CRLS1: variants seen among roughly 807,000 people sequenced by gnomAD.
CRLS1 encodes the protein cardiolipin synthase 1, also known as cardiolipin synthase (CMP-forming).
A neutral mutation model predicts 37.0 loss-of-function variants in CRLS1; 24 were observed. That is an observed-to-expected ratio of 0.65 (90% confidence interval 0.47 to 0.91). The LOEUF (loss-of-function observed/expected upper bound fraction) is 0.91, where lower values mean the gene tolerates loss of function less well. Among genes scored for constraint, CRLS1 ranks in the 40% least tolerant of loss-of-function variants. The pLI, the probability that CRLS1 is intolerant of heterozygous loss-of-function variation, is 0.00. For synonymous variants in CRLS1, 135 were observed against 159.7 expected (o/e 0.85, Z 1.17); for missense variants, 373 against 395.8 (o/e 0.94, Z 0.49).
chr20:6,023,932 GCTCATTTTGC>G (rs1979471571), intron 3 of CRLS1, among the ~76,000 whole-genome samples: 1 of 145,772 alleles, frequency 6.9e-6, no homozygotes, highest in Admixed American at 6.9e-5. Flanking sequence ...TAACATATGT[GCTCATTTTGC>G]CTCTCTGTCA....
intron 3 of CRLS1, among the ~76,000 whole-genome samples, chr20:6,018,139 C>T (rs1978906364): frequency 7.1e-6 from 1 of 140,168 alleles, no homozygotes; most frequent in South Asian, 2.2e-4. Flanking sequence ...TATCTTGAAC[C>T]TGGGAGGCAG....
At chr20:6,013,888 G>A (rs977120988) in intron 2 of CRLS1, among the ~76,000 whole-genome samples, 1 of 152,084 alleles carries the variant, frequency 6.6e-6, no homozygotes, top group African/African-American at 2.4e-5. Context: ...TGTTTATAAA[G>A]GAATGATGTT....
chr20:6,009,913 G>T lies in CRLS1; in HGVS notation c.444+1G>T. The T allele has an allele frequency of 1.9e-6, 3 of 1,613,200 alleles. No homozygotes were observed. Among genetic ancestry groups the T allele is most frequent in the Non-Finnish European group, 2.5e-6 (3 of 1,179,636 alleles). On this transcript the variant is annotated splice_donor_variant, in intron 2 of 6. Transcript: ENST00000378863. LOFTEE classifies it high-confidence loss of function. ...TGCTTTAGCTGGACTAACAGATTTG[G>T]TAAGTTGTAAATGCACTCCCAGTTT...
rs1266021833 is a variant in CRLS1 at position 6,006,221 on chromosome 20, A to G, written c.-26A>G. The G allele has an allele frequency of 8.3e-7, 1 of 1,206,770 alleles. No individual in the cohort carries two copies. Among genetic ancestry groups the G allele is most frequent in the Non-Finnish European group, 1.0e-6 (1 of 968,518 alleles). 74.8% of individuals were successfully genotyped at this position (1,206,770 alleles called of 1,614,324 possible). A position where few individuals can be genotyped will look rare whatever the true frequency, so the allele number is the denominator to read the frequency against. On this transcript the variant is annotated 5_prime_UTR_variant, in exon 1 of 7. Transcript: ENST00000378863. ...CAGGCTGCTGAGCTCTCGCCGCCCG[A>G]GACCCCGCGGCGCGGCCGCAGGGCC... is the stretch of plus-strand genomic sequence containing the variant.
chr20:6,035,180 A>G (rs1348201728), intron 6 of CRLS1, among the ~76,000 whole-genome samples: 1 of 152,240 alleles, frequency 6.6e-6, no homozygotes, highest in African/African-American at 2.4e-5. Flanking sequence ...GTGGCTAATC[A>G]CAGTCAGTTA....
At chr20:6,035,385 C>T (rs1008716113) in intron 6 of CRLS1, among the ~76,000 whole-genome samples, 5 of 152,232 alleles carry the variant, frequency 3.3e-5, no homozygotes, top group African/African-American at 1.2e-4. Flanking sequence ...CTCTGATTTT[C>T]ATTTTTTACT....
intron 1 of CRLS1, among the ~76,000 whole-genome samples, chr20:6,008,360 T>C (rs536944771): frequency 3.9e-5 from 6 of 152,344 alleles, no homozygotes; most frequent in African/African-American, 1.4e-4. Context: ...GTTATTTCTG[T>C]ACCCTGTTGT....
At chr20:6,012,256 C>T (rs886085685) in intron 2 of CRLS1, among the ~76,000 whole-genome samples, 12 of 152,172 alleles carry the variant, frequency 7.9e-5, no homozygotes, top group South Asian at 6.2e-4. Flanking sequence ...AGTCTGATTG[C>T]GTTGTGTGTG....
At chr20:6,033,740 C>T (rs530457333) in intron 5 of CRLS1, among the ~76,000 whole-genome samples, 1 of 152,204 alleles carries the variant, frequency 6.6e-6, no homozygotes, top group South Asian at 2.1e-4. Flanking sequence ...AGTGCAGTGG[C>T]GCAATCATAG....
chr20:6,006,839 C>G (rs958881837), intron 1 of CRLS1: 3 of 983,806 alleles, frequency 3.0e-6, no homozygotes, highest in Non-Finnish European at 3.6e-6. Flanking sequence ...ATAAAGGTAG[C>G]CTTCGCTTGT....
chr20:6,007,534 C>G (rs1486041758), intron 1 of CRLS1: 5 of 918,294 alleles, frequency 5.4e-6, no homozygotes, highest in Non-Finnish European at 8.7e-6. Context: ...CTAAAAAGAA[C>G]TCCCTTCACT....
chr20:6,007,259 C>G (rs1281844763), intron 1 of CRLS1: 3 of 1,538,796 alleles, frequency 1.9e-6, no homozygotes, highest in African/African-American at 2.7e-5. Flanking sequence ...ATCAGTTGTA[C>G]AGCATGGGTT....
At chr20:6,030,992 A>C (rs977254223) in intron 3 of CRLS1, among the ~76,000 whole-genome samples, 2 of 151,834 alleles carry the variant, frequency 1.3e-5, no homozygotes, top group African/African-American at 4.9e-5. Flanking sequence ...ATAGCTTAAA[A>C]ACATGCAAGA....
chr20:6,030,861 T>C (rs978742996), intron 3 of CRLS1, among the ~76,000 whole-genome samples: 2 of 152,204 alleles, frequency 1.3e-5, no homozygotes, highest in Admixed American at 1.3e-4. Flanking sequence ...CTTCTCCACC[T>C]CTTTATAATC....
intron 2 of CRLS1, among the ~76,000 whole-genome samples, chr20:6,010,232 A>G (rs563119365): frequency 3.0e-4 from 46 of 152,346 alleles, no homozygotes; most frequent in African/African-American, 1.1e-3. Context: ...ATAGAAATAA[A>G]GGAGAGGAGA....
intron 2 of CRLS1, among the ~76,000 whole-genome samples, chr20:6,012,922 C>T (rs1000266968): frequency 4.6e-5 from 7 of 152,082 alleles, no homozygotes; most frequent in East Asian, 1.9e-4. Flanking sequence ...TCAGTTGTGT[C>T]GAGGTCAGGT....
At chr20:6,032,113 C>G in intron 5 of CRLS1, 33 bp downstream of exon 5, 1 of 1,535,270 alleles carries the variant, frequency 6.5e-7, no homozygotes, top group Non-Finnish European at 9.0e-7. Flanking sequence ...GAAGTTATTC[C>G]TTTGTAAATT....
intron 2 of CRLS1, among the ~76,000 whole-genome samples, chr20:6,014,845 G>A (rs1380042455): frequency 1.3e-5 from 2 of 152,102 alleles, no homozygotes; most frequent in East Asian, 3.8e-4. Context: ...AACTAGGCCA[G>A]GTAGAGAGGA....
At chr20:6,033,146 A>G (rs1445847317) in intron 5 of CRLS1, among the ~76,000 whole-genome samples, 2 of 148,930 alleles carry the variant, frequency 1.3e-5, no homozygotes. Context: ...ATTATTTTTT[A>G]TAGATGAATT....
Sources: allele counts gnomAD v4.1 joint callset (sites outside exome capture counted in the v4.1 genomes callset), GRCh38; gene constraint gnomAD v4.1.1; transcripts MANE v1.5; gene names NCBI Gene and HGNC (gene_info 2026-07-23, HGNC 2026-07-21).